The following SS18L1 variants were observed in gnomAD, a reference collection of about 807,000 sequenced individuals.
SS18L1 encodes calcium-responsive transactivator.
Under a neutral mutation model 70.3 loss-of-function variants are expected in SS18L1, and 32 were observed. That is an observed-to-expected ratio of 0.46 (90% confidence interval 0.34 to 0.61). The LOEUF is 0.61. SS18L1 is among the 20% of genes least tolerant of loss of function. The probability of loss-of-function intolerance (pLI) is 0.01; values close to 1 mark genes in which losing one functional copy is unlikely to be tolerated. For missense variants in SS18L1, 430 were observed against 542.1 expected, an observed-to-expected ratio of 0.79 and a Z score of 2.05; for synonymous variants, 237 against 229.7, an observed-to-expected ratio of 1.03 and a Z score of -0.29.
Position 62,158,216 on chromosome 20 carries a change from T to C in SS18L1, c.70-456T>C, listed in dbSNP as rs900734130. Among the ~76,000 whole-genome samples, 5 of 152,016 alleles carry C rather than the reference T, an allele frequency of 3.3e-5. No homozygotes were observed. Among genetic ancestry groups the C allele is most frequent in the African/African-American group, 1.2e-4 (5 of 41,398 alleles). On this transcript the variant is annotated intron_variant, in intron 1 of 10. Transcript: ENST00000331758. The surrounding 1 kb of genome is among the most constrained non-coding windows in gnomAD (Gnocchi z 4.5). ...CTGGAAGCTGGAGGGTCCTTCGGGCTGGGGGCTGCTGGGGGCACGGGGCCT... is the reference window on the plus strand; with the variant it reads ...CTGGAAGCTGGAGGGTCCTTCGGGCCGGGGGCTGCTGGGGGCACGGGGCCT...
chr20:62,167,052 T>TTG (rs2057448137), intron 8 of SS18L1, among the ~76,000 whole-genome samples: 1 of 135,194 alleles, frequency 7.4e-6, no homozygotes, highest in African/African-American at 2.9e-5. Flanking sequence ...GTTTTTTTTT[T>TTG]TTTTTTTTTT....
chr20:62,171,234 A>C (rs116154885), intron 8 of SS18L1, among the ~76,000 whole-genome samples: 63 of 152,276 alleles, frequency 4.1e-4, no homozygotes, highest in African/African-American at 1.5e-3. Context: ...TAAAGAATAA[A>C]GTGGGCTATA....
In SS18L1 at chr20:62,179,850, G is replaced by C. The variant is rs140092135; in HGVS notation, c.*642G>C. 1 of 226,656 alleles carries C rather than the reference G, an allele frequency of 4.4e-6. No individual in the cohort carries two copies. Among genetic ancestry groups the C allele is most frequent in the Non-Finnish European group, 8.8e-6 (1 of 114,094 alleles). 14.0% of individuals were successfully genotyped at this position (226,656 alleles called of 1,614,324 possible). On this transcript the variant is annotated 3_prime_UTR_variant, in exon 11 of 11. Coordinates refer to ENST00000331758, the MANE Select transcript of SS18L1 (RefSeq NM_198935.3). ...CCATTGCCTGTCTCTCGCCAATTCCGTTTATCCAAAAAGGTACATGTTTTT... is the reference window on the plus strand; with the variant it reads ...CCATTGCCTGTCTCTCGCCAATTCCCTTTATCCAAAAAGGTACATGTTTTT...
At chr20:62,148,529 G>A (rs1381938859) in intron 1 of SS18L1, among the ~76,000 whole-genome samples, 5 of 151,582 alleles carry the variant, frequency 3.3e-5, no homozygotes, top group African/African-American at 9.7e-5. Context: ...TGCTGTCTTC[G>A]GTCAGGTGAG....
rs562973257 is a variant in SS18L1 at position 62,165,471 on chromosome 20, C to T, written c.873C>T (p.Tyr291=). ...AGTCATCCTACACGGAGCAGAGCTA[C>T]GACCGGTCCTTCGAGGAGTCCACGC... is the stretch of plus-strand genomic sequence containing the variant. ...YQQSSYTEQS[Y]DRSFEESTQH... Residue 291 remains tyrosine, a synonymous_variant, in exon 8 of 11, where the codon TAC becomes TAT. Transcript: ENST00000331758. 13 of 1,613,198 alleles carry T rather than the reference C, an allele frequency of 8.1e-6. No individual in the cohort carries two copies. Among genetic ancestry groups the T allele is most frequent in the South Asian group, 3.3e-5 (3 of 91,018 alleles).
rs915413782 is a variant in SS18L1 at position 62,159,557 on chromosome 20, C to T, written c.147-320C>T. ...TGTCACCTTCGGGCCCCTGCCTCCT[C>T]GTGGCCTCCCCCCATCTCTATCCTC... On this transcript the variant is annotated intron_variant, in intron 2 of 10. Coordinates refer to ENST00000331758, the MANE Select transcript of SS18L1 (RefSeq NM_198935.3). This position sits in a 1 kb window ranked among gnomAD's most constrained non-coding sequence, Gnocchi z 4.4. Among the ~76,000 whole-genome samples the T allele has an allele frequency of 1.3e-5, 2 of 152,286 alleles. No homozygotes were observed. The highest frequency in any genetic ancestry group is 4.1e-4 in the South Asian group (2 of 4,824).
At position 62,181,549 on chromosome 20, in the gene SS18L1, A is replaced by G. The variant is rs1160848370; in HGVS notation, c.*2341A>G. ...AAAGGACACTTACCCCAAAACTTCA[A>G]TCTGAAATGTCTTACATTAAGAATA... On this transcript the variant is annotated 3_prime_UTR_variant, in exon 11 of 11. Coordinates refer to ENST00000331758, the MANE Select transcript of SS18L1 (RefSeq NM_198935.3). The G allele has an allele frequency of 4.7e-6, 1 of 213,418 alleles. No individual in the cohort carries two copies. Among genetic ancestry groups the G allele is most frequent in the African/African-American group, 2.3e-5 (1 of 43,982 alleles). The allele number at this position is 213,418 out of a possible 1,614,324, so 13.2% of individuals were successfully genotyped here.
At chr20:62,163,394 T>A in intron 5 of SS18L1, 64 bp from the exon 6 acceptor site, 1 of 1,435,862 alleles carries the variant, frequency 7.0e-7, no homozygotes, top group Non-Finnish European at 9.3e-7. Context: ...AGGAGGTAGT[T>A]GGGTGTGGGA....
At chr20:62,164,473 A>G (rs1167870457) in intron 7 of SS18L1, among the ~76,000 whole-genome samples, 1 of 152,232 alleles carries the variant, frequency 6.6e-6, no homozygotes, top group Non-Finnish European at 1.5e-5. Flanking sequence ...AAGCTGTGGC[A>G]CACACCGCTG....
chr20:62,175,069 G>A (rs1480644929), intron 10 of SS18L1, among the ~76,000 whole-genome samples: 1 of 152,222 alleles, frequency 6.6e-6, no homozygotes, highest in Non-Finnish European at 1.5e-5. Flanking sequence ...GGCCCCAAAT[G>A]GAGCCCGCCT....
Position 62,179,248 on chromosome 20 carries a change from T to C in SS18L1, c.*40T>C, listed in dbSNP as rs2057672503. 6.2e-7 allele frequency: 1 copy of C among 1,613,592 alleles called. No homozygotes were observed. The highest frequency in any genetic ancestry group is 2.2e-5 in the East Asian group (1 of 44,886). ...GGCTGGAGCCCTTGTGGTAGCGTGT[T>C]CATCCAGGGGCCGGATGGGCTGGCG... On this transcript the variant is annotated 3_prime_UTR_variant, in exon 11 of 11. Coordinates refer to ENST00000331758, the MANE Select transcript of SS18L1 (RefSeq NM_198935.3).
chr20:62,163,896 A>C (rs759947076), intron 6 of SS18L1, among the ~76,000 whole-genome samples: 143 of 152,258 alleles, frequency 9.4e-4, no homozygotes, highest in South Asian at 4.1e-4. Flanking sequence ...TCATGCCTGT[A>C]GTCCGAGCAC....
intron 1 of SS18L1, chr20:62,154,349 C>T (rs1158796540): frequency 6.7e-6 from 7 of 1,049,254 alleles, no homozygotes; most frequent in Admixed American, 1.1e-4. Context: ...TCCTAACTTG[C>T]GGGTCTGAAA....
chr20:62,168,530 C>A (rs1282613349), intron 8 of SS18L1, among the ~76,000 whole-genome samples: 2 of 151,926 alleles, frequency 1.3e-5, no homozygotes, highest in Non-Finnish European at 2.9e-5. Flanking sequence ...ACCTGTGATC[C>A]CAGCATCAGG....
At chr20:62,157,413 C>T (rs568054738) in intron 1 of SS18L1, among the ~76,000 whole-genome samples, 1 of 152,210 alleles carries the variant, frequency 6.6e-6, no homozygotes, top group Non-Finnish European at 1.5e-5. Flanking sequence ...TCAGGTGTGG[C>T]CAGGCACGTG....
intron 1 of SS18L1, among the ~76,000 whole-genome samples, chr20:62,147,083 C>T (rs914608115): frequency 3.3e-5 from 5 of 152,272 alleles, no homozygotes; most frequent in Middle Eastern, 3.4e-3. Flanking sequence ...CACGAGAGTG[C>T]GTTTGTGGTG....
rs909350490 is a variant in SS18L1, at chr20:62,168,206, C to T, written c.916+2692C>T. Among the ~76,000 whole-genome samples the T allele has an allele frequency of 2.6e-5, 4 of 152,020 alleles. No individual in the cohort carries two copies. The East Asian group carries it at 7.7e-4, about 29-fold the overall frequency. On this transcript the variant is annotated intron_variant, in intron 8 of 10. Transcript: ENST00000331758. The stretch of plus-strand genomic sequence containing the variant: ...AGAAATTTGCTGAAAAGCTTAGTAA[C>T]CTCTTAAGGCCAGTAAGACAGATGG...
At chr20:62,146,604 C>CTTTTTTTT (rs1339898731) in intron 1 of SS18L1, among the ~76,000 whole-genome samples, 4 of 34,154 alleles carry the variant, frequency 1.2e-4, no homozygotes, top group East Asian at 9.2e-4. Flanking sequence ...CTGCTTTGAT[C>CTTTTTTTT]ATTTTTTTTT....
intron 10 of SS18L1, among the ~76,000 whole-genome samples, chr20:62,176,501 C>T (rs6062120): frequency 0.076 from 11,454 of 150,854 alleles, 1,326 homozygotes; most frequent in African/African-American, 0.26. Context: ...CTACAGAGAG[C>T]GAGACTTTGT....
Sources: gnomAD v4.1 joint callset for allele counts (sites outside exome capture counted in the v4.1 genomes callset) on GRCh38, gnomAD v4.1.1 for gene constraint, Gnocchi (gnomAD v3.1) non-coding constraint, MANE v1.5 for transcripts, NCBI Gene and HGNC (gene_info 2026-07-23, HGNC 2026-07-21) for gene names.